Variants in NAALADL2 observed in about 807,000 individuals in gnomAD.
NAALADL2 encodes N-acetylated alpha-linked acidic dipeptidase like 2.
In NAALADL2, 76 loss-of-function variants were observed where a neutral mutation model predicts 87.2. The observed-to-expected ratio is 0.87, with a 90% CI of 0.72 to 1.05. The LOEUF (loss-of-function observed/expected upper bound fraction) is 1.05. NAALADL2 is among the 50% of genes least tolerant of loss of function. The pLI, the probability that NAALADL2 is intolerant of heterozygous loss-of-function variation, is 0.00. For synonymous variants in NAALADL2, 354 were observed against 331.0 expected (o/e 1.07, Z -0.75); for missense variants, 1,089 against 945.8 (o/e 1.15, Z -1.99).
chr3:175,249,907 G>A (rs1017601391), intron 3 of NAALADL2, among the ~76,000 whole-genome samples: 4 of 152,080 alleles, frequency 2.6e-5, no homozygotes, highest in Admixed American at 1.3e-4. Flanking sequence ...AGTGGCTCAC[G>A]CCTGTAATCC....
intron 11 of NAALADL2, among the ~76,000 whole-genome samples, chr3:175,704,264 G>A (rs1015553745): frequency 1.3e-5 from 2 of 152,124 alleles, no homozygotes; most frequent in African/African-American, 4.8e-5. Context: ...GTTCGCTGTG[G>A]AAAAGAGGCT....
chr3:174,445,815 G>A (rs1715014623), intron 1 of NAALADL2, among the ~76,000 whole-genome samples: 1 of 152,152 alleles, frequency 6.6e-6, no homozygotes, highest in Non-Finnish European at 1.5e-5. Context: ...CAAAAAACAT[G>A]CGATTATATG....
At chr3:174,893,070 A>T (rs935207504) in intron 1 of NAALADL2, among the ~76,000 whole-genome samples, 1 of 152,194 alleles carries the variant, frequency 6.6e-6, no homozygotes, top group African/African-American at 2.4e-5. Context: ...GAGAAACAAT[A>T]ACTTAAAGTG....
At chr3:174,850,552 A>C (rs1725130159) in intron 3 of NAALADL2, among the ~76,000 whole-genome samples, 1 of 152,184 alleles carries the variant, frequency 6.6e-6, no homozygotes, top group Non-Finnish European at 1.5e-5. Context: ...TAAATAGGTA[A>C]ATTAAGCTGG....
At chr3:175,240,288 G>A (rs928936843) in intron 3 of NAALADL2, among the ~76,000 whole-genome samples, 1 of 152,168 alleles carries the variant, frequency 6.6e-6, no homozygotes, top group African/African-American at 2.4e-5. Context: ...AATATGTAGT[G>A]CCTTAACGTA....
At chr3:174,789,395 T>G (rs905576970) in intron 3 of NAALADL2, among the ~76,000 whole-genome samples, 1 of 152,194 alleles carries the variant, frequency 6.6e-6, no homozygotes, top group Admixed American at 6.5e-5. Flanking sequence ...TTAATGAGTC[T>G]TGCTGCCTTA....
chr3:174,948,281 G>T (rs1479075851), intron 1 of NAALADL2, among the ~76,000 whole-genome samples: 1 of 152,000 alleles, frequency 6.6e-6, no homozygotes, highest in Non-Finnish European at 1.5e-5. Context: ...GGTTGAAGCA[G>T]TTCTCTTGCC....
intron 1 of NAALADL2, among the ~76,000 whole-genome samples, chr3:174,872,058 T>C (rs1253769676): frequency 6.6e-6 from 1 of 152,190 alleles, no homozygotes; most frequent in Admixed American, 6.5e-5. Flanking sequence ...TCAAAGCTTA[T>C]ATGAAACGGT....
intron 3 of NAALADL2, among the ~76,000 whole-genome samples, chr3:174,846,526 AG>A (rs1724638028): frequency 2.0e-5 from 3 of 152,206 alleles, no homozygotes; most frequent in African/African-American, 7.2e-5. Flanking sequence ...GAGAATTAAA[AG>A]TTTAGTTAGT....
intron 2 of NAALADL2, among the ~76,000 whole-genome samples, chr3:174,702,159 T>C (rs1729613582): frequency 6.6e-6 from 1 of 152,194 alleles, no homozygotes; most frequent in Non-Finnish European, 1.5e-5. Context: ...AATTTTTATT[T>C]CTTTATTCAC....
chr3:175,270,815 C>G (rs1752726102), intron 4 of NAALADL2, among the ~76,000 whole-genome samples: 1 of 152,064 alleles, frequency 6.6e-6, no homozygotes, highest in Non-Finnish European at 1.5e-5. Context: ...CTCTGTAAAC[C>G]TCTTCCAGTA....
At chr3:175,171,769 G>T (rs986817850) in intron 2 of NAALADL2, among the ~76,000 whole-genome samples, 14 of 152,040 alleles carry the variant, frequency 9.2e-5, no homozygotes, top group Non-Finnish European at 1.0e-4. Flanking sequence ...CAACATGGAT[G>T]AACTTTAGTT....
At chr3:175,224,911 T>G (rs1270389516) in intron 2 of NAALADL2, among the ~76,000 whole-genome samples, 1 of 152,176 alleles carries the variant, frequency 6.6e-6, no homozygotes, top group African/African-American at 2.4e-5. Context: ...TACAGATTGA[T>G]TTCGATGTAT....
At chr3:175,616,274 TTATAAA>T (rs1463804774) in intron 10 of NAALADL2, among the ~76,000 whole-genome samples, 28 of 140,758 alleles carry the variant, frequency 2.0e-4, no homozygotes, top group African/African-American at 4.1e-4. Flanking sequence ...TTATATTTAA[TTATAAA>T]TATAATAAAT....
intron 11 of NAALADL2, among the ~76,000 whole-genome samples, chr3:175,736,865 T>C (rs144995929): frequency 4.2e-4 from 64 of 152,290 alleles, no homozygotes; most frequent in African/African-American, 1.4e-3. Flanking sequence ...ATGTGGCCTG[T>C]AGGTTATCAA....
chr3:175,235,427 C>A (rs1160387526), intron 3 of NAALADL2: 1 of 152,054 alleles, frequency 6.6e-6, no homozygotes. Flanking sequence ...TATTAAATGT[C>A]TGCAATATTT....
chr3:175,037,117 G>A (rs544304471), intron 1 of NAALADL2, among the ~76,000 whole-genome samples: 3 of 151,988 alleles, frequency 2.0e-5, no homozygotes, highest in Admixed American at 6.6e-5. Context: ...TGCCAGTAAC[G>A]AAAAAAGCTA....
chr3:175,405,464 G>A (rs938457573), intron 5 of NAALADL2, among the ~76,000 whole-genome samples: 2 of 151,682 alleles, frequency 1.3e-5, no homozygotes, highest in East Asian at 1.9e-4. Flanking sequence ...TGAACTTAAG[G>A]TTTATATACG....
At chr3:175,549,083 T>C (rs1713875290) in intron 9 of NAALADL2, among the ~76,000 whole-genome samples, 3 of 152,060 alleles carry the variant, frequency 2.0e-5, no homozygotes, top group African/African-American at 7.2e-5. Context: ...TAAATTTTTC[T>C]TATAGTATAG....
Sources: allele counts gnomAD v4.1 joint callset (sites outside exome capture counted in the v4.1 genomes callset), GRCh38; gene constraint gnomAD v4.1.1; transcripts MANE v1.5; gene names NCBI Gene and HGNC (gene_info 2026-07-23, HGNC 2026-07-21).